The following SPAG6 variants were observed in gnomAD, a reference collection of about 807,000 sequenced individuals.
SPAG6 encodes the protein sperm associated antigen 6.
SPAG6 carries 49 observed loss-of-function variants against 58.5 expected under a neutral mutation model. The observed-to-expected ratio is 0.84, with a 90% CI of 0.67 to 1.06. The LOEUF (loss-of-function observed/expected upper bound fraction) is 1.06, where lower values mean the gene tolerates loss of function less well. Among genes scored for constraint, SPAG6 ranks in the 50% least tolerant of loss-of-function variants. The pLI is 0.00. For missense variants in SPAG6, 560 were observed against 611.3 expected (o/e 0.92, Z 0.89); for synonymous variants, 233 against 225.6 (o/e 1.03, Z -0.29).
At chr10:22,353,179 C>T (rs969974146) in intron 2 of SPAG6, among the ~76,000 whole-genome samples, 1 of 152,238 alleles carries the variant, frequency 6.6e-6, no homozygotes, top group African/African-American at 2.4e-5. Context: ...CATACATTTT[C>T]TCTTCACATG....
At chr10:22,397,592 G>C (rs7904538) in intron 8 of SPAG6, among the ~76,000 whole-genome samples, 25,311 of 152,156 alleles carry the variant, frequency 0.17, 6,306 homozygotes, top group African/African-American at 0.54. Context: ...GCTGGGATTA[G>C]AGGTGTGAGC....
At chr10:22,380,633 T>A (rs1833932065) in intron 4 of SPAG6, among the ~76,000 whole-genome samples, 1 of 152,126 alleles carries the variant, frequency 6.6e-6, no homozygotes, top group South Asian at 2.1e-4. Context: ...TTTTTAGACC[T>A]GCTTTATTTC....
chr10:22,359,238 C>T (rs1292285829), intron 2 of SPAG6, among the ~76,000 whole-genome samples: 1 of 152,102 alleles, frequency 6.6e-6, no homozygotes, highest in Non-Finnish European at 1.5e-5. Flanking sequence ...GCAAAAATCA[C>T]TTGTTGTAAA....
chr10:22,346,255 C>T (rs1486893195), intron 2 of SPAG6, among the ~76,000 whole-genome samples: 1 of 152,124 alleles, frequency 6.6e-6, no homozygotes, highest in Non-Finnish European at 1.5e-5. Context: ...GAATGATATG[C>T]TTGAATCTTT....
intron 10 of SPAG6, among the ~76,000 whole-genome samples, chr10:22,413,365 C>T (rs1834790546): frequency 6.6e-6 from 1 of 151,878 alleles, no homozygotes; most frequent in Non-Finnish European, 1.5e-5. Context: ...AACCCCGTCT[C>T]TACTAAAAAT....
chr10:22,398,965 C>T (rs1221584353), intron 8 of SPAG6, among the ~76,000 whole-genome samples: 1 of 151,978 alleles, frequency 6.6e-6, no homozygotes, highest in African/African-American at 2.4e-5. Flanking sequence ...ACTACAGGCA[C>T]CCACCACCAT....
At chr10:22,363,312 T>G (rs1445622607) in intron 2 of SPAG6, among the ~76,000 whole-genome samples, 1 of 152,238 alleles carries the variant, frequency 6.6e-6, no homozygotes, top group East Asian at 1.9e-4. Context: ...TACCTTGTTC[T>G]GTGCTTTAAA....
chr10:22,380,864 C>T (rs1833936949), intron 4 of SPAG6, among the ~76,000 whole-genome samples: 1 of 151,690 alleles, frequency 6.6e-6, no homozygotes, highest in African/African-American at 2.4e-5. Flanking sequence ...GATTAAGTTC[C>T]AGAGGAGTTT....
At chr10:22,361,661 G>A (rs981395095) in intron 2 of SPAG6, among the ~76,000 whole-genome samples, 5 of 152,132 alleles carry the variant, frequency 3.3e-5, no homozygotes, top group African/African-American at 9.7e-5. Flanking sequence ...GTGCCAGCCT[G>A]GGTGACAGAG....
At chr10:22,356,651 A>C (rs1836876953) in intron 2 of SPAG6, among the ~76,000 whole-genome samples, 1 of 152,250 alleles carries the variant, frequency 6.6e-6, no homozygotes, top group South Asian at 2.1e-4. Context: ...TCCTTTGACC[A>C]AACCAGAAAC....
intron 4 of SPAG6, among the ~76,000 whole-genome samples, chr10:22,378,872 A>C (rs1383895425): frequency 6.6e-6 from 1 of 151,892 alleles, no homozygotes; most frequent in Non-Finnish European, 1.5e-5. Context: ...GCTGATTGTA[A>C]TTTCTTACTA....
intron 7 of SPAG6, 124 bp downstream of exon 7, chr10:22,389,436 T>G (rs1834137298): frequency 2.1e-6 from 2 of 961,456 alleles, no homozygotes; most frequent in Admixed American, 2.7e-5. Flanking sequence ...CTGAAAAAAA[T>G]TTTGATTGTT....
chr10:22,414,776 A>AT (rs1834829354), intron 10 of SPAG6, among the ~76,000 whole-genome samples: 1 of 152,186 alleles, frequency 6.6e-6, no homozygotes, highest in Admixed American at 6.6e-5. Flanking sequence ...AAATTAATTA[A>AT]TTTTTTTGAG....
intron 10 of SPAG6, chr10:22,412,426 T>G (rs1834763451): frequency 7.0e-7 from 1 of 1,419,356 alleles, no homozygotes; most frequent in African/African-American, 1.4e-5. Context: ...TTGTTTTCTA[T>G]CCACATATTT....
intron 9 of SPAG6, among the ~76,000 whole-genome samples, chr10:22,408,893 G>A (rs1251047125): frequency 6.6e-6 from 1 of 152,174 alleles, no homozygotes; most frequent in Admixed American, 6.5e-5. Flanking sequence ...GGAGTGACCC[G>A]ATTTTCCAGG....
intron 2 of SPAG6, among the ~76,000 whole-genome samples, chr10:22,348,627 T>G (rs940409533): frequency 8.5e-5 from 13 of 152,248 alleles, no homozygotes; most frequent in Admixed American, 7.9e-4. Flanking sequence ...ATTTTTGAAT[T>G]TATTCTATGT....
intron 4 of SPAG6, among the ~76,000 whole-genome samples, chr10:22,385,510 A>G (rs935185576): frequency 3.3e-5 from 5 of 152,232 alleles, no homozygotes; most frequent in African/African-American, 1.2e-4. Flanking sequence ...TGTAGTGGTA[A>G]TTTGCAGAAG....
In SPAG6 at chr10:22,391,856, A is replaced by C; in HGVS notation, c.1133A>C (p.Asn378Thr). ...CACGCACGGGCTGTTGCAGTCACAA[A>C]TACTTTGCCAGTTCTGCTTTCTTTG... The part of the protein sequence containing the change: ...PEHARAVAVT[N>T]TLPVLLSLYM... The change falls in exon 8 of 11, where the codon AAT becomes ACT. Residue 378 changes from asparagine to threonine, a missense_variant. Coordinates refer to ENST00000376624, the MANE Select transcript of SPAG6 (RefSeq NM_012443.4). 1 of 1,613,542 alleles carries C rather than the reference A, an allele frequency of 6.2e-7. No individual in the cohort carries two copies. The highest frequency in any genetic ancestry group is 1.1e-5 in the South Asian group (1 of 91,060).
chr10:22,346,276 T>G (rs1757350480), intron 2 of SPAG6, among the ~76,000 whole-genome samples: 1 of 152,086 alleles, frequency 6.6e-6, no homozygotes, highest in African/African-American at 2.4e-5. Flanking sequence ...TCCAAGAAAT[T>G]CCAAGTAGGT....
Sources: allele counts gnomAD v4.1 joint callset (sites outside exome capture counted in the v4.1 genomes callset), GRCh38; gene constraint gnomAD v4.1.1; transcripts MANE v1.5; gene names NCBI Gene and HGNC (gene_info 2026-07-23, HGNC 2026-07-21).